The following C2 variants were observed in gnomAD, a reference collection of about 807,000 sequenced individuals.
The protein encoded by C2 is C3/C5 convertase.
In C2, 64 loss-of-function variants were observed where a neutral mutation model predicts 85.2. The observed-to-expected ratio is 0.75, with a 90% CI of 0.61 to 0.92. C2 has a LOEUF of 0.92. Among genes scored for constraint, C2 ranks in the 40% least tolerant of loss-of-function variants. The probability of loss-of-function intolerance (pLI) is 0.00; values close to 1 mark genes in which losing one functional copy is unlikely to be tolerated. For synonymous variants in C2, 311 were observed against 370.8 expected (o/e 0.84, Z 1.85); for missense variants, 820 against 971.6 (o/e 0.84, Z 2.07).
intron 1 of C2, among the ~76,000 whole-genome samples, chr6:31,914,162 C>G (rs184366037): frequency 6.6e-6 from 1 of 151,530 alleles, no homozygotes; most frequent in Non-Finnish European, 1.5e-5. Flanking sequence ...CCGCCTGCCT[C>G]GGCCTCTCAA....
At chr6:31,911,744 C>G (rs1768118536) in intron 1 of C2, among the ~76,000 whole-genome samples, 1 of 151,772 alleles carries the variant, frequency 6.6e-6, no homozygotes, top group Non-Finnish European at 1.5e-5. Flanking sequence ...ATTCTCCTGC[C>G]TCAGCCTCCC....
chr6:31,899,696 C>T (rs143890263), upstream of C2: 3,057 of 533,804 alleles, frequency 5.7e-3, 95 homozygotes, highest in Admixed American at 0.054. Flanking sequence ...TCTGGGACCC[C>T]GTATTCCCCT....
At chr6:31,931,851 C>T (rs1769786151) in intron 3 of C2, among the ~76,000 whole-genome samples, 1 of 151,080 alleles carries the variant, frequency 6.6e-6, no homozygotes, top group African/African-American at 2.4e-5. Context: ...CGGGCAGAGG[C>T]GCCCCTCACC....
At chr6:31,919,270 G>T (rs1252116264), upstream of C2, among the ~76,000 whole-genome samples, 1 of 151,636 alleles carries the variant, frequency 6.6e-6, no homozygotes, top group African/African-American at 2.4e-5. Flanking sequence ...TCAGCCTCCT[G>T]AGTAGGTGGG....
chr6:31,911,578 G>A (rs1190564055), intron 1 of C2, among the ~76,000 whole-genome samples: 2 of 151,680 alleles, frequency 1.3e-5, no homozygotes, highest in Admixed American at 6.6e-5. Context: ...GTTTTAATTC[G>A]GAGTCTGAGT....
At chr6:31,941,633 C>G (rs1218988894) in intron 9 of C2, 1 of 152,154 alleles carries the variant, frequency 6.6e-6, no homozygotes, top group Admixed American at 6.6e-5. Flanking sequence ...TCCCAAGAAG[C>G]TGGGATTACA....
intron 3 of C2, 87 bp from the exon 4 acceptor site, chr6:31,933,523 A>C (rs563231836): frequency 4.2e-6 from 6 of 1,444,620 alleles, no homozygotes; most frequent in Non-Finnish European, 5.8e-6. Flanking sequence ...GGAACTGGGA[A>C]GCTTCTGCTG....
intron 2 of C2, among the ~76,000 whole-genome samples, chr6:31,928,490 C>T (rs1016583584): frequency 1.1e-4 from 16 of 152,068 alleles, no homozygotes; most frequent in African/African-American, 3.4e-4. Flanking sequence ...GGGGAGGCCA[C>T]GGCCCTCAGG....
rs1001343501 is a variant in C2 at position 31,934,729 on chromosome 6, A to G, written c.849+430A>G. The G allele has an allele frequency of 1.3e-5, 15 of 1,125,040 alleles. No homozygotes were observed. In the African/African-American group the frequency reaches 2.4e-4, roughly 18 times the overall value. The allele number at this position is 1,125,040 out of a possible 1,614,324, so 69.7% of individuals were successfully genotyped here. ...GCAGGCTTTAAAATGTGTGTGATAG[A>G]CTGGGCATGGTGGCTAGTGCCTGTA... On this transcript the variant is annotated intron_variant, in intron 6 of 17. Transcript: ENST00000299367.
At chr6:31,902,113 C>G (rs1190043626) in intron 1 of C2, 1 of 146,646 alleles carries the variant, frequency 6.8e-6, no homozygotes, top group East Asian at 2.1e-4. Flanking sequence ...GGAGCAGGAT[C>G]CCCCCTTCCC....
Position 31,934,381 on chromosome 6 carries a change from C to G in C2, c.849+82C>G, listed in dbSNP as rs746127910. 1.9e-6 allele frequency: 3 copies of G among 1,560,372 alleles called. No individual in the cohort carries two copies. In the Admixed American group the frequency reaches 5.0e-5, roughly 26 times the overall value. On this transcript the variant is annotated intron_variant, in intron 6 of 17. Transcript: ENST00000299367. ...CTGTCTCCTTCCCCTCCTCAGAACC[C>G]CACTCACAGCCCACCTCCTCCAAGA...
upstream of C2, among the ~76,000 whole-genome samples, chr6:31,917,103 G>A (rs1405841185): frequency 4.7e-5 from 7 of 149,424 alleles, no homozygotes; most frequent in African/African-American, 1.5e-4. Context: ...CCCAGGAGGC[G>A]GAGGTTGCAG....
chr6:31,899,192 ACTC>A (rs1766977297), upstream of C2, among the ~76,000 whole-genome samples: 1 of 145,786 alleles, frequency 6.9e-6, no homozygotes, highest in East Asian at 2.1e-4. Flanking sequence ...GTATGTCTCT[ACTC>A]CTCTCCCTCC....
At chr6:31,917,925 G>A (rs1582042848), upstream of C2, among the ~76,000 whole-genome samples, 3 of 151,728 alleles carry the variant, frequency 2.0e-5, no homozygotes, top group African/African-American at 7.3e-5. Context: ...GAAAGAAAAT[G>A]TGCTCTTATG....
rs72842444 is a variant in C2, at chr6:31,945,661, A to G, written c.*304A>G. The G allele has an allele frequency of 8.7e-5, 47 of 538,416 alleles. No individual in the cohort carries two copies. The highest frequency in any genetic ancestry group is 1.4e-4 in the Non-Finnish European group (43 of 299,288). The allele number at this position is 538,416 out of a possible 1,614,324, so 33.4% of individuals were successfully genotyped here. ...CCAGTTATGAAATTAATAAAAATCA[A>G]TGGTTTCCACATCTCTCAGTGCCTC... On this transcript the variant is annotated 3_prime_UTR_variant, in exon 18 of 18. Coordinates refer to ENST00000299367, the MANE Select transcript of C2 (RefSeq NM_000063.6). The surrounding 1 kb of genome is among the most constrained non-coding windows in gnomAD (Gnocchi z 5.3).
chr6:31,928,846 G>C lies in C2; in HGVS notation c.371G>C (p.Arg124Pro). The C allele has an allele frequency of 2.5e-6, 4 of 1,614,248 alleles. No individual in the cohort carries two copies. Among genetic ancestry groups the C allele is most frequent in the South Asian group, 1.1e-5 (1 of 91,086 alleles). ...GAGTGTGAGGATGGCTTCATATTGC[G>C]GGGCTCGCCTGTGCGTCAGTGTCGC... Reference protein sequence around the residue: ...SFECEDGFILRGSPVRQCRPN... With the variant: ...SFECEDGFILPGSPVRQCRPN... Residue 124 changes from arginine (R) to proline (P), a missense_variant, in exon 3 of 18, where the codon CGG becomes CCG. Physicochemically the swap from Arg to Pro is moderately radical, Grantham distance 103. Transcript: ENST00000299367.
chr6:31,898,642 GCT>G (rs1491218126), upstream of C2, among the ~76,000 whole-genome samples: 5 of 115,642 alleles, frequency 4.3e-5, no homozygotes, highest in Non-Finnish European at 7.6e-5. Flanking sequence ...TCCAAACTTA[GCT>G]TTTTTTTTTT....
upstream of C2, among the ~76,000 whole-genome samples, chr6:31,918,674 C>T (rs1472531761): frequency 2.0e-5 from 3 of 150,862 alleles, no homozygotes; most frequent in African/African-American, 7.3e-5. Flanking sequence ...CCGAGGTGGG[C>T]GGATCACGAG....
chr6:31,898,075 C>T (rs918840315), upstream of C2: 7 of 201,438 alleles, frequency 3.5e-5, no homozygotes, highest in African/African-American at 1.7e-4. Context: ...AAGGCTTGGC[C>T]TCAGTTTTGG....
Sources: allele counts gnomAD v4.1 joint callset (sites outside exome capture counted in the v4.1 genomes callset), GRCh38; gene constraint gnomAD v4.1.1; non-coding constraint Gnocchi (gnomAD v3.1); transcripts MANE v1.5; gene names NCBI Gene and HGNC (gene_info 2026-07-23, HGNC 2026-07-21).